Variants in FAT1 observed in about 807,000 individuals in gnomAD.
FAT1 encodes the protein FAT atypical cadherin 1.
Under a neutral mutation model 329.8 loss-of-function variants are expected in FAT1, and 171 were observed. The ratio of observed to expected loss-of-function variants is 0.52; its 90% CI spans 0.46 to 0.59. The LOEUF (loss-of-function observed/expected upper bound fraction) is 0.59, where lower values mean the gene tolerates loss of function less well. Among genes scored for constraint, FAT1 ranks in the 20% least tolerant of loss-of-function variants. The pLI is 0.00. For synonymous variants in FAT1, 2,233 were observed against 2,228.6 expected, an observed-to-expected ratio of 1.00 and a Z score of -0.06; for missense variants, 5,672 against 5,774.4, an observed-to-expected ratio of 0.98 and a Z score of 0.57.
At chr4:186,651,700 A>G (rs906269049) in intron 3 of FAT1, among the ~76,000 whole-genome samples, 5 of 152,172 alleles carry the variant, frequency 3.3e-5, no homozygotes, top group African/African-American at 1.2e-4. Flanking sequence ...CGCTTCTGCA[A>G]AACACAGATT....
At chr4:186,638,813 G>A (rs1056679533) in intron 4 of FAT1, among the ~76,000 whole-genome samples, 11 of 152,024 alleles carry the variant, frequency 7.2e-5, no homozygotes, top group African/African-American at 2.7e-4. Context: ...TGGAAGAAGA[G>A]CACTGATAAC....
intron 1 of FAT1, among the ~76,000 whole-genome samples, chr4:186,723,358 G>A (rs1449074839): frequency 1.3e-5 from 2 of 152,218 alleles, no homozygotes; most frequent in Non-Finnish European, 2.9e-5. Context: ...CGAGGCCGGC[G>A]CAGCCCGGCG....
In FAT1 at chr4:186,617,952, TTCATGG is replaced by T; in HGVS notation, c.8628_8633del (p.Asp2876_His2877del). The T allele has an allele frequency of 1.2e-6, 2 of 1,614,026 alleles. No individual in the cohort carries two copies. The highest frequency in any genetic ancestry group is 1.7e-6 in the Non-Finnish European group (2 of 1,179,892). On this transcript the variant is annotated inframe_deletion, in exon 10 of 27. Transcript: ENST00000441802. ...CTTTAATCTGGTAATTGTCTCTCTTTTCATGGTCAAGTTCCTTTAAAGTTGTAATCC... is the reference window on the plus strand; with the variant it reads ...CTTTAATCTGGTAATTGTCTCTCTTTTCAAGTTCCTTTAAAGTTGTAATCC...
rs150973681 is a variant in FAT1 at position 186,588,871 on chromosome 4, G to A, written c.13488C>T (p.Leu4496=). ...CTTTTGTTTGAGGTTCAGACATATC[G>A]AGGGGATAAAAATTGGGCAAATACT... ...LNQYLPNFYP[L]DMSEPQTKGT... The change falls in exon 27 of 27, where the codon CTC becomes CTT. Residue 4496 remains leucine (L), a synonymous_variant. Coordinates refer to ENST00000441802, the MANE Select transcript of FAT1 (RefSeq NM_005245.4). 404 of 1,613,948 alleles carry A rather than the reference G, an allele frequency of 2.5e-4. No individual in the cohort carries two copies. Among genetic ancestry groups the A allele is most frequent in the Middle Eastern group, 3.3e-4 (2 of 6,062 alleles).
chr4:186,663,473 C>A lies in FAT1; in HGVS notation c.3406G>T (p.Ala1136Ser). 1 of 1,614,002 alleles carries A rather than the reference C, an allele frequency of 6.2e-7. No individual in the cohort carries two copies. Among genetic ancestry groups the A allele is most frequent in the Non-Finnish European group, 8.5e-7 (1 of 1,179,898 alleles). Residue 1136 changes from alanine (A) to serine (S), a missense_variant, in exon 3 of 27, where the codon GCA becomes TCA. Around this residue, in one of 2 missense-constraint regions of FAT1, gnomAD observed 3,966 missense variants for 3,915.2 expected, o/e 1.01. Transcript: ENST00000441802. Reference protein sequence around the residue: ...YIEVEDVNDNAPQTSEPVYYP... With the variant: ...YIEVEDVNDNSPQTSEPVYYP... The stretch of plus-strand genomic sequence containing the variant: ...TAAACAGGCTCTGATGTCTGTGGTG[C>A]ATTGTCATTGACATCCTCAACCTCT...
intron 3 of FAT1, among the ~76,000 whole-genome samples, chr4:186,644,432 G>A (rs1741261459): frequency 2.0e-5 from 3 of 152,090 alleles, no homozygotes; most frequent in African/African-American, 7.2e-5. Flanking sequence ...TCTTTCCTTG[G>A]TCCAGAAAAA....
Position 186,636,095 on chromosome 4 carries a change from G to T in FAT1, c.4113C>A (p.Asp1371Glu). The change falls in exon 6 of 27, where the codon GAC becomes GAA. Residue 1371 changes from aspartate to glutamate, a missense_variant. Physicochemically the swap from Asp to Glu is conservative, Grantham distance 45. Around this residue, in one of 2 missense-constraint regions of FAT1, gnomAD observed 3,966 missense variants for 3,915.2 expected, o/e 1.01. Transcript: ENST00000441802. ...SFFTFTVMES[D>E]PVAHMIGVIS... ...TTACTCCAATCATGTGAGCAACGGG[G>T]TCACTTTCCATCACAGTAAAGGTAA... 6.2e-7 allele frequency: 1 copy of T among 1,613,996 alleles called. No homozygotes were observed. The highest frequency in any genetic ancestry group is 8.5e-7 in the Non-Finnish European group (1 of 1,179,888).
At position 186,716,433 on chromosome 4, in the gene FAT1, T is replaced by C. The variant is rs140794361; in HGVS notation, c.-18-6588A>G. ...TTAAGAGATCTCTAAATTGCAAGCATCTTTCTTCCCCCGAGACAGGGTCTT... is the reference window on the plus strand; with the variant it reads ...TTAAGAGATCTCTAAATTGCAAGCACCTTTCTTCCCCCGAGACAGGGTCTT... On this transcript the variant is annotated intron_variant, in intron 1 of 26. Coordinates refer to ENST00000441802, the MANE Select transcript of FAT1 (RefSeq NM_005245.4). 4.9e-3 allele frequency among the ~76,000 whole-genome samples: 748 copies of C among 152,260 alleles called. 3 individuals carry two copies. Among genetic ancestry groups the C allele is most frequent in the Non-Finnish European group, 8.6e-3 (583 of 68,014 alleles).
intron 20 of FAT1, among the ~76,000 whole-genome samples, chr4:186,602,380 T>G (rs1304198902): frequency 1.3e-5 from 2 of 152,220 alleles, no homozygotes; most frequent in Non-Finnish European, 2.9e-5. Flanking sequence ...CGCATCAGTA[T>G]GTAAAGATAC....
chr4:186,593,610 G>A (rs533124596), intron 26 of FAT1, among the ~76,000 whole-genome samples: 1 of 152,316 alleles, frequency 6.6e-6, no homozygotes, highest in African/African-American at 2.4e-5. Flanking sequence ...ACGGCTGGGG[G>A]GAGCTCTGCT....
chr4:186,637,009 T>C, intron 4 of FAT1, 95 bp from the exon 5 acceptor site: 1 of 1,156,436 alleles, frequency 8.6e-7, no homozygotes, highest in Non-Finnish European at 1.2e-6. Context: ...TGTGTAAAGC[T>C]CTGCATTTTG....
In FAT1 at chr4:186,620,600, C is replaced by T. The variant is rs147571313; in HGVS notation, c.5986G>A (p.Glu1996Lys). The T allele has an allele frequency of 2.5e-5, 41 of 1,613,960 alleles. No individual in the cohort carries two copies. The highest frequency in any genetic ancestry group is 1.7e-4 in the African/African-American group (13 of 75,044). The change falls in exon 10 of 27, where the codon GAA becomes AAA. Residue 1996 changes from glutamate to lysine, a missense_variant. Transcript: ENST00000441802. ...ATAGCAGTAATGACAGCTAATGTTT[C>T]GGCCTCGGTGGAATTCTCTTTCACT... ...AVVKENSTEA[E>K]TLAVITAIGN...
intron 2 of FAT1, among the ~76,000 whole-genome samples, chr4:186,680,563 T>C (rs1312983429): frequency 2.0e-5 from 3 of 152,186 alleles, no homozygotes; most frequent in African/African-American, 4.8e-5. Flanking sequence ...ACCTCTTACA[T>C]GAACACTACC....
chr4:186,706,532 C>A lies in FAT1; in HGVS notation c.3265+31G>T, dbSNP rs772996809. 52 of 1,538,638 alleles carry A rather than the reference C, an allele frequency of 3.4e-5. 1 individual carries two copies. The Middle Eastern group carries it at 3.2e-3, about 94-fold the overall frequency. Reference sequence around the variant, plus strand: ...AAAAAAAAAAAAAAATGGAAAAGGGCATCAAATGAGAGCAATAAAAACATA... The same window carrying A: ...AAAAAAAAAAAAAAATGGAAAAGGGAATCAAATGAGAGCAATAAAAACATA... On this transcript the variant is annotated intron_variant, in intron 2 of 26. Coordinates refer to ENST00000441802, the MANE Select transcript of FAT1 (RefSeq NM_005245.4).
intron 3 of FAT1, among the ~76,000 whole-genome samples, chr4:186,655,164 T>C (rs530624494): frequency 3.0e-4 from 46 of 152,278 alleles, no homozygotes; most frequent in African/African-American, 9.4e-4. Context: ...GATGCAAATA[T>C]AGACACACAG....
chr4:186,602,412 TGAAA>T (rs1443160412), intron 20 of FAT1, among the ~76,000 whole-genome samples: 1 of 152,232 alleles, frequency 6.6e-6, no homozygotes, highest in African/African-American at 2.4e-5. Context: ...TTTCTTTATC[TGAAA>T]GAAAGAGAAC....
rs2126542415 is a variant in FAT1 at position 186,628,261 on chromosome 4, T to C, written c.4703A>G (p.Lys1568Arg). The change falls in exon 9 of 27, where the codon AAA becomes AGA. Residue 1568 changes from lysine to arginine, a missense_variant. This residue lies in a region of FAT1 where 3,966 missense variants were observed against 3,915.2 expected (regional missense o/e 1.01). Coordinates refer to ENST00000441802, the MANE Select transcript of FAT1 (RefSeq NM_005245.4). ...GGCTGCCGATTCATAAACCCGCCCT[T>C]TGTAGGAGGAAGCGGTGAACCACGG... ...HAPWFTASSY[K>R]GRVYESAAVG... 1 of 1,613,928 alleles carries C rather than the reference T, an allele frequency of 6.2e-7. No homozygotes were observed. The highest frequency in any genetic ancestry group is 8.5e-7 in the Non-Finnish European group (1 of 1,179,880).
At chr4:186,606,307 C>T (rs945756829) in intron 16 of FAT1, 94 bp from the exon 17 acceptor site, 3 of 1,372,820 alleles carry the variant, frequency 2.2e-6, no homozygotes, top group African/African-American at 1.4e-5. Context: ...ACGGGCAGGT[C>T]CCAGTGAGCT....
Position 186,663,583 on chromosome 4 carries a change from C to T in FAT1, c.3296G>A (p.Arg1099His), listed in dbSNP as rs766055196. ...GVIETSDRLDRESTSHYWLTV... is the reference protein window; with the variant it reads ...GVIETSDRLDHESTSHYWLTV... ...TAGCCAATAATGGGAGGTCGATTCA[C>T]GGTCCAGTCGATCTGACGTCTCTAT... is the stretch of plus-strand genomic sequence containing the variant. Residue 1099 changes from arginine (R) to histidine (H), a missense_variant, in exon 3 of 27, where the codon CGT becomes CAT. Physicochemically the swap from Arg to His is conservative, Grantham distance 29 (BLOSUM62 0). Around this residue, in one of 2 missense-constraint regions of FAT1, gnomAD observed 3,966 missense variants for 3,915.2 expected, o/e 1.01. Coordinates refer to ENST00000441802, the MANE Select transcript of FAT1 (RefSeq NM_005245.4). 14 of 1,609,980 alleles carry T rather than the reference C, an allele frequency of 8.7e-6. No homozygotes were observed. Among genetic ancestry groups the T allele is most frequent in the African/African-American group, 6.7e-5 (5 of 74,904 alleles).
Sources: allele counts gnomAD v4.1 joint callset (sites outside exome capture counted in the v4.1 genomes callset), GRCh38; gene constraint gnomAD v4.1.1; regional missense constraint gnomAD v4.1.1; transcripts MANE v1.5; gene names NCBI Gene and HGNC (gene_info 2026-07-23, HGNC 2026-07-21).